The following ZBTB20 variants were observed in gnomAD, a reference collection of about 807,000 sequenced individuals.
ZBTB20 encodes zinc finger and BTB domain containing 20, also known as zinc finger and BTB domain-containing protein 20.
A neutral mutation model predicts 56.9 loss-of-function variants in ZBTB20; 9 were observed. The ratio of observed to expected loss-of-function variants is 0.16; its 90% confidence interval spans 0.10 to 0.28. The LOEUF is 0.28. ZBTB20 is among the 10% of genes least tolerant of loss of function. ZBTB20 has a pLI of 1.00. For missense variants in ZBTB20, 655 were observed against 1,003.0 expected (o/e 0.65, Z 4.69); for synonymous variants, 417 against 420.7 (o/e 0.99, Z 0.11).
chr3:114,813,096 GCT>G (rs1218553757), intron 4 of ZBTB20, among the ~76,000 whole-genome samples: 1 of 152,244 alleles, frequency 6.6e-6, no homozygotes, highest in African/African-American at 2.4e-5. Context: ...CCAGAAAGGG[GCT>G]CTCACAGTGC....
intron 7 of ZBTB20, among the ~76,000 whole-genome samples, chr3:114,403,473 G>A (rs1306455942): frequency 6.6e-6 from 1 of 152,058 alleles, no homozygotes; most frequent in Admixed American, 6.6e-5. Flanking sequence ...GGGTAAATGC[G>A]TAAATCTGCT....
At chr3:114,501,010 A>T (rs1025059791) in intron 6 of ZBTB20, among the ~76,000 whole-genome samples, 4 of 152,174 alleles carry the variant, frequency 2.6e-5, no homozygotes, top group Non-Finnish European at 5.9e-5. Context: ...GTCTCTTTTA[A>T]GGTATATTTA....
At chr3:115,018,779 T>A (rs1343856484) in intron 2 of ZBTB20, among the ~76,000 whole-genome samples, 2 of 151,426 alleles carry the variant, frequency 1.3e-5, no homozygotes, top group African/African-American at 4.8e-5. Context: ...TAAAGTAAAA[T>A]GAAAAGACAC....
intron 6 of ZBTB20, among the ~76,000 whole-genome samples, chr3:114,634,488 T>C (rs1376827477): frequency 1.3e-5 from 2 of 152,070 alleles, no homozygotes; most frequent in South Asian, 2.1e-4. Context: ...TCAAGTAAAA[T>C]TAATGTCTTA....
intron 1 of ZBTB20, among the ~76,000 whole-genome samples, chr3:115,113,600 G>A (rs956425178): frequency 2.0e-5 from 3 of 152,192 alleles, no homozygotes; most frequent in Non-Finnish European, 4.4e-5. Context: ...CAGAACAACA[G>A]CAGCCACCAC....
chr3:115,011,306 T>A (rs2079697614), intron 2 of ZBTB20, among the ~76,000 whole-genome samples: 1 of 151,818 alleles, frequency 6.6e-6, no homozygotes, highest in Non-Finnish European at 1.5e-5. Flanking sequence ...ACGAGAAGGT[T>A]ATAGAATGCC....
chr3:114,970,993 C>T (rs1447048842), intron 3 of ZBTB20, among the ~76,000 whole-genome samples: 1 of 147,294 alleles, frequency 6.8e-6, no homozygotes, highest in African/African-American at 2.5e-5. Context: ...CCAGCCTGGG[C>T]AACAGAGCGA....
intron 4 of ZBTB20, among the ~76,000 whole-genome samples, chr3:114,870,312 A>G (rs2075947759): frequency 6.6e-6 from 1 of 151,694 alleles, no homozygotes; most frequent in South Asian, 2.1e-4. Flanking sequence ...TACTTTGTTC[A>G]TCTGACCCCT....
chr3:114,832,031 G>A (rs1162444565), intron 4 of ZBTB20, among the ~76,000 whole-genome samples: 5 of 151,976 alleles, frequency 3.3e-5, no homozygotes, highest in African/African-American at 4.8e-5. Flanking sequence ...TTGTTTTCAC[G>A]AAACAGAATA....
At chr3:114,637,440 C>T (rs2059337999) in intron 6 of ZBTB20, among the ~76,000 whole-genome samples, 1 of 152,072 alleles carries the variant, frequency 6.6e-6, no homozygotes, top group South Asian at 2.1e-4. Flanking sequence ...AAATTATTAA[C>T]TTAGTATTTC....
intron 5 of ZBTB20, among the ~76,000 whole-genome samples, chr3:114,716,396 A>G (rs2064483953): frequency 1.3e-5 from 2 of 152,192 alleles, no homozygotes; most frequent in Admixed American, 6.6e-5. Flanking sequence ...AGACACTATC[A>G]TATTTCTTCT....
chr3:114,605,691 C>A (rs961159805), intron 6 of ZBTB20, among the ~76,000 whole-genome samples: 2 of 152,014 alleles, frequency 1.3e-5, no homozygotes, highest in South Asian at 4.2e-4. Flanking sequence ...AGAACAGAGG[C>A]GTGGGACTCT....
intron 5 of ZBTB20, among the ~76,000 whole-genome samples, chr3:114,709,766 T>C (rs2063941877): frequency 6.6e-6 from 1 of 152,162 alleles, no homozygotes; most frequent in African/African-American, 2.4e-5. Context: ...GAAGTTCAAA[T>C]CCCTTAGCTC....
intron 2 of ZBTB20, among the ~76,000 whole-genome samples, chr3:115,046,962 A>C (rs1560523362): frequency 6.6e-6 from 1 of 152,194 alleles, no homozygotes; most frequent in Non-Finnish European, 1.5e-5. Flanking sequence ...CCAACTTAAA[A>C]TTTAATTATC....
At chr3:114,657,734 C>T (rs567645248) in intron 6 of ZBTB20, among the ~76,000 whole-genome samples, 4 of 152,208 alleles carry the variant, frequency 2.6e-5, no homozygotes, top group East Asian at 1.9e-4. Context: ...GAATTTTACC[C>T]GGGACAGTTC....
chr3:114,581,960 G>A (rs897796529), intron 6 of ZBTB20, among the ~76,000 whole-genome samples: 3 of 152,046 alleles, frequency 2.0e-5, no homozygotes, highest in Admixed American at 2.0e-4. Flanking sequence ...TTGTGATTGG[G>A]AAACAATTAA....
In ZBTB20 at chr3:114,399,934, C is replaced by T. The variant is rs181012249; in HGVS notation, c.-254-10829G>A. Among the ~76,000 whole-genome samples the T allele has an allele frequency of 4.3e-4, 65 of 152,034 alleles. 1 individual carries two copies. The highest frequency in any genetic ancestry group is 4.3e-3 in the Admixed American group (65 of 15,264). ...TTCATGAACACTCTAAAAATGAGTT[C>T]TCCCTATCATGAGTTGCATAGATGA... On this transcript the variant is annotated intron_variant, in intron 7 of 11. Transcript: ENST00000675478.
In ZBTB20 at chr3:114,351,910, G is replaced by A. The variant is rs2080706382; in HGVS notation, c.200-32C>T. 1.9e-6 allele frequency: 3 copies of A among 1,566,150 alleles called. No individual in the cohort carries two copies. The East Asian group carries it at 6.8e-5, about 35-fold the overall frequency. The stretch of plus-strand genomic sequence containing the variant: ...CATGTCAACGCAGACACAAAACAGG[G>A]CATGGGTCAGATCTAGCTGGTTGCA... On this transcript the variant is annotated intron_variant, in intron 10 of 11. Transcript: ENST00000675478.
intron 3 of ZBTB20, among the ~76,000 whole-genome samples, chr3:114,973,090 A>C (rs1404452000): frequency 6.6e-6 from 1 of 152,240 alleles, no homozygotes; most frequent in Non-Finnish European, 1.5e-5. Context: ...GTATCTGTAC[A>C]TGTGGCTGTG....
Sources: gnomAD v4.1 joint callset for allele counts (sites outside exome capture counted in the v4.1 genomes callset) on GRCh38, gnomAD v4.1.1 for gene constraint, MANE v1.5 for transcripts, NCBI Gene and HGNC (gene_info 2026-07-23, HGNC 2026-07-21) for gene names.